REST: variants seen among roughly 807,000 people sequenced by gnomAD.
REST encodes RE1-silencing transcription factor.
A neutral mutation model predicts 30.4 loss-of-function variants in REST; 1 was observed. The observed-to-expected ratio is 0.03, with a 90% CI of 0.01 to 0.16. The LOEUF is 0.16. Among genes scored for constraint, REST ranks in the 10% least tolerant of loss-of-function variants. The probability of loss-of-function intolerance (pLI) is 1.00; values close to 1 mark genes in which losing one functional copy is unlikely to be tolerated. For synonymous variants in REST, 504 were observed against 451.1 expected (o/e 1.12, Z -1.49); for missense variants, 1,259 against 1,329.5 (o/e 0.95, Z 0.82).
intron 3 of REST, among the ~76,000 whole-genome samples, chr4:56,929,504 T>C (rs377044370): frequency 1.0e-5 from 1 of 99,660 alleles, no homozygotes; most frequent in Non-Finnish European, 2.8e-5. Flanking sequence ...ACAAAAAAAT[T>C]TTTAAGTTGA....
At chr4:56,926,109 G>T (rs11736808) in intron 3 of REST, among the ~76,000 whole-genome samples, 1 of 152,100 alleles carries the variant, frequency 6.6e-6, no homozygotes, top group African/African-American at 2.4e-5. Flanking sequence ...GTCCAGGCTG[G>T]AGTGCAATGG....
At chr4:56,927,285 C>G (rs1416209499) in intron 3 of REST, among the ~76,000 whole-genome samples, 2 of 152,136 alleles carry the variant, frequency 1.3e-5, no homozygotes, top group African/African-American at 2.4e-5. Flanking sequence ...ATGTTTGTCT[C>G]CATTTAAATC....
Position 56,911,068 on chromosome 4 carries a change from A to G in REST, c.430A>G (p.Thr144Ala). Residue 144 changes from threonine (T) to alanine (A), a missense_variant, in exon 2 of 4, where the codon ACA becomes GCA. Transcript: ENST00000309042. Reference protein sequence around the residue: ...YSSNKDLPPETPGAEDKGKSS... With the variant: ...YSSNKDLPPEAPGAEDKGKSS... ...TTCAAATAAAGATCTTCCCCCTGAA[A>G]CACCTGGAGCGGAGGACAAAGGCAA... 6.2e-7 allele frequency: 1 copy of G among 1,614,126 alleles called. No individual in the cohort carries two copies. Among genetic ancestry groups the G allele is most frequent in the Non-Finnish European group, 8.5e-7 (1 of 1,180,018 alleles).
chr4:56,921,911 A>C (rs1218480586), intron 3 of REST, among the ~76,000 whole-genome samples: 5 of 152,192 alleles, frequency 3.3e-5, no homozygotes, highest in Admixed American at 6.5e-5. Flanking sequence ...TTAAGATTAC[A>C]TGTGTGATAT....
chr4:56,932,728 T>TG lies in REST; in HGVS notation c.*577dup, dbSNP rs1721020087. ...TGTATGTTAATCGTCATAAAAACAG[T>TG]GATTTTGGTGTGTTTTTTATTTTGG... On this transcript the variant is annotated 3_prime_UTR_variant, in exon 4 of 4. Transcript: ENST00000309042. The TG allele has an allele frequency of 6.6e-6, 1 of 152,152 alleles. No homozygotes were observed. The highest frequency in any genetic ancestry group is 2.4e-5 in the African/African-American group (1 of 41,422). 9.4% of individuals were successfully genotyped at this position (152,152 alleles called of 1,614,324 possible).
rs887321523 is a variant in REST at position 56,929,823 on chromosome 4, C to T, written c.983-18C>T. 6.3e-7 allele frequency: 1 copy of T among 1,575,100 alleles called. No homozygotes were observed. Among genetic ancestry groups the T allele is most frequent in the Non-Finnish European group, 8.6e-7 (1 of 1,162,814 alleles). ...GTCTTAATCTATGTCTTCTCTCATA[C>T]TTTTGATTTGCCTTCAGGTGAGAAG... On this transcript the variant is annotated intron_variant, in intron 3 of 3. Transcript: ENST00000309042.
intron 3 of REST, among the ~76,000 whole-genome samples, chr4:56,924,809 G>A (rs921660997): frequency 1.8e-4 from 27 of 152,114 alleles, no homozygotes; most frequent in African/African-American, 6.5e-4. Flanking sequence ...TCCATGTTGC[G>A]TTATTGGACT....
intron 2 of REST, among the ~76,000 whole-genome samples, chr4:56,919,020 C>T (rs1229723867): frequency 6.6e-6 from 1 of 150,750 alleles, no homozygotes; most frequent in Non-Finnish European, 1.5e-5. Flanking sequence ...AAGTCTCACT[C>T]AGCCTCCCGA....
Position 56,930,621 on chromosome 4 carries a change from CA to C in REST, c.1765del (p.Ser589ValfsTer128), listed in dbSNP as rs1327023211. On this transcript the variant is annotated frameshift_variant, in exon 4 of 4. Transcript: ENST00000309042. LOFTEE classifies it low-confidence loss of function (END_TRUNC). ...AAGAAGAAAACTCTGAAAAATAAAT[CA>C]AGTAAGAAAAGCAGTAAGCCTCCTC... ...STKKKTLKNK[S>X]SKKSSKPPQK... 1 of 1,612,860 alleles carries C rather than the reference CA, an allele frequency of 6.2e-7. No individual in the cohort carries two copies. The highest frequency in any genetic ancestry group is 1.7e-5 in the Admixed American group (1 of 59,980).
intron 3 of REST, among the ~76,000 whole-genome samples, chr4:56,922,607 C>T (rs1390443930): frequency 6.6e-6 from 1 of 152,160 alleles, no homozygotes; most frequent in Admixed American, 6.5e-5. Context: ...GCCACTGCTC[C>T]CGGCCAAGAG....
At position 56,930,518 on chromosome 4, in the gene REST, A is replaced by T; in HGVS notation, c.1660A>T (p.Asn554Tyr). 1.2e-6 allele frequency: 2 copies of T among 1,610,704 alleles called. No individual in the cohort carries two copies. The highest frequency in any genetic ancestry group is 1.7e-6 in the Non-Finnish European group (2 of 1,179,272). ...KKKVESKSKN[N>Y]SQEVPKGDSK... ...GAAGGTAGAAAGCAAATCCAAAAAT[A>T]ATAGTCAGGAAGTGCCAAAGGGTGA... The change falls in exon 4 of 4, where the codon AAT (asparagine) becomes TAT (tyrosine). Residue 554 changes from asparagine (N) to tyrosine (Y), a missense_variant. This residue lies in a region of REST where 856 missense variants were observed against 772.8 expected (regional missense o/e 1.11). Transcript: ENST00000309042.
rs1190979522 is a variant in REST, at chr4:56,908,984, CGG to C, written c.-10+774_-10+775del. 3 of 151,892 alleles carry C rather than the reference CGG, an allele frequency of 2.0e-5. No individual in the cohort carries two copies. In the East Asian group the frequency reaches 5.8e-4, roughly 30 times the overall value. The allele number at this position is 151,892 out of a possible 1,614,324, so 9.4% of individuals were successfully genotyped here. ...CCGGCCCTGGGCGTTGGGCGAGCCC[CGG>C]GGCGGTCGGAGGGGCCCGGGGGCGG... is the stretch of plus-strand genomic sequence containing the variant. On this transcript the variant is annotated intron_variant, in intron 1 of 3. Coordinates refer to ENST00000309042, the MANE Select transcript of REST (RefSeq NM_005612.5).
At chr4:56,919,301 G>A (rs2109544755) in intron 2 of REST, among the ~76,000 whole-genome samples, 1 of 152,114 alleles carries the variant, frequency 6.6e-6, no homozygotes, top group East Asian at 1.9e-4. Flanking sequence ...TTAGCATAAA[G>A]CAATTACATT....
intron 2 of REST, 63 bp downstream of exon 2, chr4:56,911,599 G>C (rs1719916695): frequency 1.5e-6 from 2 of 1,332,106 alleles, no homozygotes; most frequent in African/African-American, 1.5e-5. Context: ...TGAGTGGTTA[G>C]TTAAGTAGTG....
At chr4:56,915,220 TTG>T (rs775223358) in intron 2 of REST, among the ~76,000 whole-genome samples, 5 of 109,084 alleles carry the variant, frequency 4.6e-5, no homozygotes, top group South Asian at 2.7e-4. Flanking sequence ...CTGGCCAATT[TTG>T]TGTGTGTGTG....
chr4:56,926,040 G>A (rs139198167), intron 3 of REST, among the ~76,000 whole-genome samples: 2 of 152,240 alleles, frequency 1.3e-5, no homozygotes, highest in South Asian at 2.1e-4. Context: ...GGAAAGACAG[G>A]ATACGTAAGA....
At chr4:56,921,185 A>G (rs1160549673) in intron 3 of REST, among the ~76,000 whole-genome samples, 3 of 152,100 alleles carry the variant, frequency 2.0e-5, no homozygotes, top group East Asian at 1.9e-4. Flanking sequence ...TCTAATTAGA[A>G]TACAGATTTA....
chr4:56,919,515 A>C (rs776347329), intron 2 of REST, among the ~76,000 whole-genome samples: 1 of 152,264 alleles, frequency 6.6e-6, no homozygotes, highest in Non-Finnish European at 1.5e-5. Flanking sequence ...ATGTATTAAC[A>C]TGCAGTATCA....
chr4:56,912,336 A>G (rs1008167315), intron 2 of REST, among the ~76,000 whole-genome samples: 1 of 139,994 alleles, frequency 7.1e-6, no homozygotes, highest in Non-Finnish European at 1.5e-5. Flanking sequence ...AAAAAAGTTG[A>G]AACTTTTTTT....
Sources: allele counts gnomAD v4.1 joint callset (sites outside exome capture counted in the v4.1 genomes callset), GRCh38; gene constraint gnomAD v4.1.1; regional missense constraint gnomAD v4.1.1; transcripts MANE v1.5; gene names NCBI Gene and HGNC (gene_info 2026-07-23, HGNC 2026-07-21).